Variants in ABCG1 observed in about 807,000 individuals in gnomAD.
ABCG1 encodes the protein ATP-binding cassette sub-family G member 1.
ABCG1 carries 29 observed loss-of-function variants against 69.2 expected under a neutral mutation model. The observed-to-expected ratio is 0.42, with a 90% CI of 0.31 to 0.57. The LOEUF (loss-of-function observed/expected upper bound fraction) is 0.57. ABCG1 is among the 20% of genes least tolerant of loss of function. The pLI is 0.15. For synonymous variants in ABCG1, 370 were observed against 374.8 expected, an observed-to-expected ratio of 0.99 and a Z score of 0.15; for missense variants, 718 against 898.1, an observed-to-expected ratio of 0.80 and a Z score of 2.56.
At chr21:42,260,165 G>C (rs757150032) in intron 2 of ABCG1, 9 of 1,550,494 alleles carry the variant, frequency 5.8e-6, no homozygotes, top group Non-Finnish European at 7.8e-6. Context: ...GTTGCTTCTC[G>C]GGTGAAGCTG....
intron 5 of ABCG1, among the ~76,000 whole-genome samples, chr21:42,281,048 A>C (rs1035387146): frequency 1.3e-5 from 2 of 152,204 alleles, no homozygotes; most frequent in African/African-American, 4.8e-5. Context: ...AGGTCGGCTG[A>C]CCCTGTACTG....
chr21:42,233,441 C>A (rs547029447), intron 2 of ABCG1, among the ~76,000 whole-genome samples: 10 of 152,300 alleles, frequency 6.6e-5, no homozygotes, highest in African/African-American at 2.4e-4. Flanking sequence ...GGAACTGACA[C>A]CTCCCAGGCA....
chr21:42,201,135 T>C (rs2067503244), intron 1 of ABCG1, among the ~76,000 whole-genome samples: 1 of 152,010 alleles, frequency 6.6e-6, no homozygotes, highest in African/African-American at 2.4e-5. Context: ...CACTCACTGA[T>C]AGGGTTTTGA....
chr21:42,220,716 A>G (rs1440308359), intron 1 of ABCG1, among the ~76,000 whole-genome samples: 4 of 152,356 alleles, frequency 2.6e-5, no homozygotes, highest in Admixed American at 6.5e-5. Flanking sequence ...TCCCGGTGAC[A>G]CTTGCTTTTC....
chr21:42,220,168 A>C, intron 1 of ABCG1: 1 of 822,470 alleles, frequency 1.2e-6, no homozygotes, highest in Non-Finnish European at 1.9e-6. Context: ...AGCGCCCTTC[A>C]TGTCTACGCC....
chr21:42,275,134 C>T (rs1054317393), intron 4 of ABCG1, among the ~76,000 whole-genome samples: 3 of 152,096 alleles, frequency 2.0e-5, no homozygotes, highest in African/African-American at 4.8e-5. Flanking sequence ...GAGAGTGGCA[C>T]GTGAAGGGCA....
At chr21:42,225,296 T>A (rs2067797619) in intron 1 of ABCG1, among the ~76,000 whole-genome samples, 2 of 152,204 alleles carry the variant, frequency 1.3e-5, no homozygotes, top group Admixed American at 6.5e-5. Flanking sequence ...CTTAGGCACC[T>A]GGTGTGTCTT....
At position 42,276,234 on chromosome 21, in the gene ABCG1, A is replaced by G. The variant is rs1422254185; in HGVS notation, c.538-661A>G. 6.6e-6 allele frequency: 1 copy of G among 152,320 alleles called. No individual in the cohort carries two copies. Among genetic ancestry groups the G allele is most frequent in the East Asian group, 1.9e-4 (1 of 5,192 alleles). 9.4% of individuals were successfully genotyped at this position (152,320 alleles called of 1,614,324 possible). ...CAGGAGCCCAGTGCTGTGTTAGCAA[A>G]CGGGATCTCAAAAAACACAACAACA... On this transcript the variant is annotated intron_variant, in intron 4 of 14. Transcript: ENST00000398449. This position sits in a 1 kb window ranked among gnomAD's most constrained non-coding sequence, Gnocchi z 5.3.
rs2068983012 is a variant in ABCG1, at chr21:42,288,190, C to T, written c.1123-21C>T. 3 of 1,613,064 alleles carry T rather than the reference C, an allele frequency of 1.9e-6. No homozygotes were observed. The highest frequency in any genetic ancestry group is 2.5e-6 in the Non-Finnish European group (3 of 1,178,984). On this transcript the variant is annotated intron_variant, in intron 9 of 14. Transcript: ENST00000398449. This position sits in a 1 kb window ranked among gnomAD's most constrained non-coding sequence, Gnocchi z 4.8. ...GCTCCGGACTGGCTTTCACCCGCTC[C>T]CCTCTTGCGTGTGTCCTCAGGACTC...
intron 1 of ABCG1, among the ~76,000 whole-genome samples, chr21:42,220,918 T>G (rs746026254): frequency 1.3e-4 from 20 of 152,202 alleles, no homozygotes; most frequent in Admixed American, 9.8e-4. Context: ...AAAGGTGGCT[T>G]GGTGTGGGTT....
At position 42,296,220 on chromosome 21, in the gene ABCG1, A is replaced by C. The variant is rs766864363; in HGVS notation, c.1829A>C (p.His610Pro). 9 of 1,614,026 alleles carry C rather than the reference A, an allele frequency of 5.6e-6. No individual in the cohort carries two copies. The highest frequency in any genetic ancestry group is 6.8e-6 in the Non-Finnish European group (8 of 1,180,042). ...SIYGLDREDL[H>P]CDIDETCHFQ... is the part of the protein sequence containing the mutation. ...TATGGCTTAGACCGGGAAGATCTGCACTGTGACATCGACGAGACGTGCCAC... is the reference window on the plus strand; with the variant it reads ...TATGGCTTAGACCGGGAAGATCTGCCCTGTGACATCGACGAGACGTGCCAC... The change falls in exon 15 of 15, where the codon CAC becomes CCC. Residue 610 changes from histidine (H) to proline (P), a missense_variant. Physicochemically the swap from His to Pro is moderately conservative, Grantham distance 77 (BLOSUM62 -2). Coordinates refer to ENST00000398449, the MANE Select transcript of ABCG1 (RefSeq NM_016818.3). This position sits in a 1 kb window ranked among gnomAD's most constrained non-coding sequence, Gnocchi z 5.4.
chr21:42,223,328 C>T lies in ABCG1; in HGVS notation c.43-2343C>T, dbSNP rs138449538. ...TCTATTTCTGCAGAAAGATTTCGTC[C>T]TGCGTCTCCCCATCTCAGGGTCTGT... On this transcript the variant is annotated intron_variant, in intron 1 of 14. Transcript: ENST00000398449. Among the ~76,000 whole-genome samples the T allele has an allele frequency of 3.3e-3, 507 of 152,294 alleles. 2 individuals are homozygous for T. Among genetic ancestry groups the T allele is most frequent in the African/African-American group, 0.012 (482 of 41,556 alleles).
intron 1 of ABCG1, among the ~76,000 whole-genome samples, chr21:42,223,310 C>T (rs1001767691): frequency 1.3e-5 from 2 of 152,326 alleles, no homozygotes; most frequent in Middle Eastern, 3.4e-3. Context: ...GATTCTATTT[C>T]TGCAGAAAGA....
chr21:42,272,706 G>T (rs2068638031), intron 3 of ABCG1, among the ~76,000 whole-genome samples: 1 of 152,226 alleles, frequency 6.6e-6, no homozygotes, highest in South Asian at 2.1e-4. Flanking sequence ...GTGAATGAGT[G>T]TGCCTGGTGA....
rs1320400412 is a variant in ABCG1 at position 42,273,638 on chromosome 21, CAA to C, written c.537+204_537+205del. 1.3e-5 allele frequency among the ~76,000 whole-genome samples: 2 copies of C among 152,214 alleles called. No homozygotes were observed. Among genetic ancestry groups the C allele is most frequent in the East Asian group, 3.9e-4 (2 of 5,188 alleles). On this transcript the variant is annotated intron_variant, in intron 4 of 14. Transcript: ENST00000398449. This position sits in a 1 kb window ranked among gnomAD's most constrained non-coding sequence, Gnocchi z 5.3. Reference sequence around the variant, plus strand: ...CAGGCAGCATCATCCCAAAACCCCCCAAGACTGTGAGTTTAATGGACCTTGTT... The same window carrying C: ...CAGGCAGCATCATCCCAAAACCCCCCGACTGTGAGTTTAATGGACCTTGTT...
In ABCG1 at chr21:42,291,640, C is replaced by T. The variant is rs1231353030; in HGVS notation, c.1637C>T (p.Ala546Val). The T allele has an allele frequency of 6.2e-7, 1 of 1,603,198 alleles. No individual in the cohort carries two copies. The highest frequency in any genetic ancestry group is 1.1e-5 in the South Asian group (1 of 90,896). Residue 546 changes from alanine to valine, a missense_variant, in exon 13 of 15, where the codon GCC becomes GTC. Physicochemically the swap from Ala to Val is moderately conservative, Grantham distance 64. This residue lies in a region of ABCG1 where 204 missense variants were observed against 323.8 expected (regional missense o/e 0.63). Coordinates refer to ENST00000398449, the MANE Select transcript of ABCG1 (RefSeq NM_016818.3). The surrounding 1 kb of genome is among the most constrained non-coding windows in gnomAD (Gnocchi z 6.4). ...AQSLGLLIGA[A>V]STSLQVATFV... ...TCCCTGGGCCTGCTGATCGGAGCCGCCTCCACGTCCCTGCAGGTGCCAGCC... is the reference window on the plus strand; with the variant it reads ...TCCCTGGGCCTGCTGATCGGAGCCGTCTCCACGTCCCTGCAGGTGCCAGCC...
At position 42,296,253 on chromosome 21, in the gene ABCG1, A is replaced by C; in HGVS notation, c.1862A>C (p.Lys621Thr). 2 of 1,614,198 alleles carry C rather than the reference A, an allele frequency of 1.2e-6. No individual in the cohort carries two copies. The highest frequency in any genetic ancestry group is 1.7e-6 in the Non-Finnish European group (2 of 1,180,042). ...ATCGACGAGACGTGCCACTTCCAGA[A>C]GTCGGAGGCCATCCTGCGGGAGCTG... ...CDIDETCHFQKSEAILRELDV... is the reference protein window; with the variant it reads ...CDIDETCHFQTSEAILRELDV... Residue 621 changes from lysine (K) to threonine (T), a missense_variant, in exon 15 of 15, where the codon AAG becomes ACG. Lys to Thr is a moderately conservative substitution (Grantham distance 78). Coordinates refer to ENST00000398449, the MANE Select transcript of ABCG1 (RefSeq NM_016818.3). This position sits in a 1 kb window ranked among gnomAD's most constrained non-coding sequence, Gnocchi z 5.4.
Position 42,273,122 on chromosome 21 carries a change from C to T in ABCG1, c.405-181C>T, listed in dbSNP as rs955544387. Among the ~76,000 whole-genome samples the T allele has an allele frequency of 6.6e-6, 1 of 152,224 alleles. No individual in the cohort carries two copies. The highest frequency in any genetic ancestry group is 1.5e-5 in the Non-Finnish European group (1 of 68,034). The stretch of plus-strand genomic sequence containing the variant: ...CTTTCTCTGTGGAATGTCTTCCTCC[C>T]GATCGCTGCAGTGCTAGCGAGGTCC... On this transcript the variant is annotated intron_variant, in intron 3 of 14. Coordinates refer to ENST00000398449, the MANE Select transcript of ABCG1 (RefSeq NM_016818.3). The surrounding 1 kb of genome is among the most constrained non-coding windows in gnomAD (Gnocchi z 5.3).
Position 42,296,238 on chromosome 21 carries a change from C to T in ABCG1, c.1847C>T (p.Thr616Met), listed in dbSNP as rs199627225. ...GATCTGCACTGTGACATCGACGAGACGTGCCACTTCCAGAAGTCGGAGGCC... is the reference window on the plus strand; with the variant it reads ...GATCTGCACTGTGACATCGACGAGATGTGCCACTTCCAGAAGTCGGAGGCC... The part of the protein sequence containing the change: ...REDLHCDIDE[T>M]CHFQKSEAIL... Residue 616 changes from threonine to methionine, a missense_variant, in exon 15 of 15, where the codon ACG becomes ATG. Physicochemically the swap from Thr to Met is moderately conservative, Grantham distance 81 (BLOSUM62 -1). Around this residue, in one of 2 missense-constraint regions of ABCG1, gnomAD observed 204 missense variants for 323.8 expected, o/e 0.63. Transcript: ENST00000398449. This position sits in a 1 kb window ranked among gnomAD's most constrained non-coding sequence, Gnocchi z 5.4. 2.0e-5 allele frequency: 32 copies of T among 1,614,152 alleles called. No homozygotes were observed. The highest frequency in any genetic ancestry group is 1.0e-4 in the Admixed American group (6 of 60,022).
Sources: allele counts gnomAD v4.1 joint callset (sites outside exome capture counted in the v4.1 genomes callset), GRCh38; gene constraint gnomAD v4.1.1; regional missense constraint gnomAD v4.1.1; non-coding constraint Gnocchi (gnomAD v3.1); transcripts MANE v1.5; gene names NCBI Gene and HGNC (gene_info 2026-07-23, HGNC 2026-07-21).